UNC5C: variants seen among roughly 807,000 people sequenced by gnomAD.
UNC5C encodes unc-5 netrin receptor C.
UNC5C carries 47 observed loss-of-function variants against 99.8 expected under a neutral mutation model. The observed-to-expected ratio is 0.47, with a 90% CI of 0.37 to 0.60. The LOEUF (loss-of-function observed/expected upper bound fraction) is 0.60, where lower values mean the gene tolerates loss of function less well. Ranked by LOEUF, UNC5C falls within the 20% of genes least tolerant of loss-of-function variation. The pLI, the probability that UNC5C is intolerant of heterozygous loss-of-function variation, is 0.00. For missense variants in UNC5C, 1,062 were observed against 1,165.9 expected (o/e 0.91, Z 1.30); for synonymous variants, 487 against 452.2 (o/e 1.08, Z -0.98).
At chr4:95,270,146 G>A (rs551690912) in intron 4 of UNC5C, among the ~76,000 whole-genome samples, 4 of 152,154 alleles carry the variant, frequency 2.6e-5, no homozygotes, top group Non-Finnish European at 4.4e-5. Flanking sequence ...CTGGTGAAAG[G>A]TATCTCACCT....
chr4:95,270,859 C>T (rs185420047), intron 4 of UNC5C, among the ~76,000 whole-genome samples: 38 of 152,264 alleles, frequency 2.5e-4, no homozygotes, highest in African/African-American at 8.4e-4. Flanking sequence ...GTAGCTAGTT[C>T]CTAACCAGTT....
intron 1 of UNC5C, among the ~76,000 whole-genome samples, chr4:95,452,916 A>T (rs1201562584): frequency 6.6e-6 from 1 of 152,100 alleles, no homozygotes; most frequent in Non-Finnish European, 1.5e-5. Flanking sequence ...GATACTCACT[A>T]CTCTTTGTTG....
intron 1 of UNC5C, among the ~76,000 whole-genome samples, chr4:95,461,304 G>GCTGATT (rs1553975792): frequency 1.0e-5 from 1 of 98,026 alleles, no homozygotes; most frequent in African/African-American, 5.0e-5. Context: ...TTTCCAACAT[G>GCTGATT]AAGCACAAGG....
chr4:95,335,914 C>T (rs1743319905), intron 1 of UNC5C, among the ~76,000 whole-genome samples: 1 of 151,802 alleles, frequency 6.6e-6, no homozygotes. Flanking sequence ...TCATGTGTAT[C>T]TCAATTAAAA....
At chr4:95,291,740 TAAAAC>T (rs796576714) in intron 3 of UNC5C, among the ~76,000 whole-genome samples, 6 of 152,312 alleles carry the variant, frequency 3.9e-5, no homozygotes, top group East Asian at 1.9e-4. Flanking sequence ...AAGATTTATA[TAAAAC>T]AAGAGTATTA....
intron 1 of UNC5C, among the ~76,000 whole-genome samples, chr4:95,455,653 A>C (rs1312154276): frequency 6.6e-6 from 1 of 151,946 alleles, no homozygotes; most frequent in Non-Finnish European, 1.5e-5. Context: ...TATATAAATA[A>C]AGTGGCTTAT....
intron 1 of UNC5C, among the ~76,000 whole-genome samples, chr4:95,354,175 A>G (rs1744086410): frequency 6.6e-6 from 1 of 151,992 alleles, no homozygotes. Flanking sequence ...AACATTTTCA[A>G]ATCTTCATAA....
intron 14 of UNC5C, among the ~76,000 whole-genome samples, chr4:95,177,986 G>T (rs932784743): frequency 2.6e-5 from 4 of 152,058 alleles, no homozygotes; most frequent in African/African-American, 9.7e-5. Context: ...GGGATTACAG[G>T]TGTGAGCCAC....
At chr4:95,506,575 G>A (rs1286325052) in intron 1 of UNC5C, among the ~76,000 whole-genome samples, 3 of 151,878 alleles carry the variant, frequency 2.0e-5, no homozygotes, top group Non-Finnish European at 2.9e-5. Context: ...TAAAAAAGTC[G>A]TCATGTTGAG....
At chr4:95,308,554 A>T (rs1461280184) in intron 2 of UNC5C, among the ~76,000 whole-genome samples, 2 of 151,798 alleles carry the variant, frequency 1.3e-5, no homozygotes, top group Non-Finnish European at 2.9e-5. Flanking sequence ...GGAGTTTGAA[A>T]CCAGCCTGGC....
intron 1 of UNC5C, among the ~76,000 whole-genome samples, chr4:95,423,371 A>C (rs536886757): frequency 6.6e-6 from 1 of 152,316 alleles, no homozygotes; most frequent in East Asian, 1.9e-4. Flanking sequence ...TGGCAGGAGA[A>C]AGTAAGTTGC....
chr4:95,232,131 T>A (rs1207367700), intron 7 of UNC5C, among the ~76,000 whole-genome samples: 1 of 152,086 alleles, frequency 6.6e-6, no homozygotes, highest in Non-Finnish European at 1.5e-5. Flanking sequence ...AAATTTAAAC[T>A]AAGTTCATTA....
intron 1 of UNC5C, among the ~76,000 whole-genome samples, chr4:95,432,648 T>G (rs905096067): frequency 2.0e-5 from 3 of 152,178 alleles, no homozygotes; most frequent in African/African-American, 4.8e-5. Context: ...CCAAAACCAC[T>G]CAGAAGTTTC....
chr4:95,312,534 T>A (rs573169430), intron 2 of UNC5C, among the ~76,000 whole-genome samples: 1 of 152,164 alleles, frequency 6.6e-6, no homozygotes, highest in Non-Finnish European at 1.5e-5. Flanking sequence ...TCCTTGGGGA[T>A]TCATACTGTC....
intron 1 of UNC5C, among the ~76,000 whole-genome samples, chr4:95,463,894 C>G (rs1339854499): frequency 1.6e-4 from 24 of 152,228 alleles, no homozygotes; most frequent in Admixed American, 1.4e-3. Flanking sequence ...GGTTTCTGTC[C>G]TTAGTATTTT....
At chr4:95,366,498 G>A (rs1181167723) in intron 1 of UNC5C, among the ~76,000 whole-genome samples, 3 of 152,064 alleles carry the variant, frequency 2.0e-5, no homozygotes, top group Non-Finnish European at 4.4e-5. Context: ...CTCTTTCCTG[G>A]ATGGCTCTAT....
intron 1 of UNC5C, among the ~76,000 whole-genome samples, chr4:95,493,641 T>C (rs1188575677): frequency 1.3e-5 from 2 of 151,358 alleles, no homozygotes; most frequent in African/African-American, 4.8e-5. Context: ...CAAATTTAAG[T>C]GTGCTTAAGT....
chr4:95,171,306 A>T (rs1291652149), intron 14 of UNC5C, among the ~76,000 whole-genome samples: 1 of 151,616 alleles, frequency 6.6e-6, no homozygotes, highest in Non-Finnish European at 1.5e-5. Context: ...ATATGTATAC[A>T]CGTGCCATGC....
At chr4:95,357,831 C>T (rs1352454224) in intron 1 of UNC5C, among the ~76,000 whole-genome samples, 1 of 151,912 alleles carries the variant, frequency 6.6e-6, no homozygotes, top group African/African-American at 2.4e-5. Flanking sequence ...ACAAAAAACA[C>T]TAATAGTAAC....
Sources: gnomAD v4.1 joint callset for allele counts (sites outside exome capture counted in the v4.1 genomes callset) on GRCh38, gnomAD v4.1.1 for gene constraint, MANE v1.5 for transcripts, NCBI Gene and HGNC (gene_info 2026-07-23, HGNC 2026-07-21) for gene names.